LRMDA: variants seen among roughly 807,000 people sequenced by gnomAD.
LRMDA encodes leucine rich melanocyte differentiation associated.
Under a neutral mutation model 29.8 loss-of-function variants are expected in LRMDA, and 18 were observed. That is an observed-to-expected ratio of 0.60 (90% confidence interval 0.42 to 0.90). The LOEUF (loss-of-function observed/expected upper bound fraction) is 0.90, where lower values mean the gene tolerates loss of function less well. LRMDA is among the 40% of genes least tolerant of loss of function. The probability of loss-of-function intolerance (pLI) is 0.00; values close to 1 mark genes in which losing one functional copy is unlikely to be tolerated. For missense variants in LRMDA, 273 were observed against 273.9 expected (o/e 1.00, Z 0.02); for synonymous variants, 125 against 109.4 (o/e 1.14, Z -0.89).
At chr10:76,065,723 A>G (rs556751997) in intron 5 of LRMDA, among the ~76,000 whole-genome samples, 1 of 152,302 alleles carries the variant, frequency 6.6e-6, no homozygotes, top group Admixed American at 6.5e-5. Context: ...TTTGTCTAAA[A>G]CCATTCCTTT....
intron 6 of LRMDA, among the ~76,000 whole-genome samples, chr10:76,357,056 A>G (rs1057139773): frequency 1.2e-4 from 18 of 152,214 alleles, no homozygotes; most frequent in Admixed American, 1.2e-3. Context: ...TGGCAAGTGC[A>G]AAACAAAAAA....
At chr10:75,845,719 C>T (rs941083953) in intron 2 of LRMDA, among the ~76,000 whole-genome samples, 6 of 152,152 alleles carry the variant, frequency 3.9e-5, no homozygotes, top group African/African-American at 1.2e-4. Flanking sequence ...GGCACATCTA[C>T]ATGTTTTGTA....
At chr10:76,273,703 A>G (rs1348242289) in intron 5 of LRMDA, among the ~76,000 whole-genome samples, 1 of 152,144 alleles carries the variant, frequency 6.6e-6, no homozygotes, top group Non-Finnish European at 1.5e-5. Flanking sequence ...TTGAGGTGAC[A>G]TGTAGTTCCC....
intron 2 of LRMDA, among the ~76,000 whole-genome samples, chr10:75,956,185 A>G (rs1846660461): frequency 6.6e-6 from 1 of 152,172 alleles, no homozygotes; most frequent in Non-Finnish European, 1.5e-5. Flanking sequence ...AGGAACTCTC[A>G]CTTCCTTTTG....
At chr10:75,486,010 T>G (rs781516729) in intron 2 of LRMDA, among the ~76,000 whole-genome samples, 11 of 152,248 alleles carry the variant, frequency 7.2e-5, no homozygotes, top group South Asian at 2.1e-4. Flanking sequence ...CTTAGAACTG[T>G]GCGTATTTAA....
Position 76,348,064 on chromosome 10 carries a change from T to C in LRMDA, c.601+23579T>C, listed in dbSNP as rs1841130482. Among the ~76,000 whole-genome samples, 11 of 152,202 alleles carry C rather than the reference T, an allele frequency of 7.2e-5. No homozygotes were observed. In the South Asian group the frequency reaches 2.3e-3, roughly 32 times the overall value. Reference sequence around the variant, plus strand: ...TAGAGCAGGAGATTTTGATTTTAGATATGCTGAGCAGTGAAGATGCTCAGT... The same window carrying C: ...TAGAGCAGGAGATTTTGATTTTAGACATGCTGAGCAGTGAAGATGCTCAGT... On this transcript the variant is annotated intron_variant, in intron 6 of 6. Transcript: ENST00000611255.
intron 6 of LRMDA, among the ~76,000 whole-genome samples, chr10:76,343,790 T>C (rs533427563): frequency 1.6e-4 from 24 of 150,200 alleles, no homozygotes; most frequent in African/African-American, 5.8e-4. Flanking sequence ...AAGCCTATTA[T>C]AAAAGTTTCA....
intron 2 of LRMDA, among the ~76,000 whole-genome samples, chr10:75,959,018 C>A (rs537325161): frequency 6.6e-6 from 1 of 152,144 alleles, no homozygotes; most frequent in Non-Finnish European, 1.5e-5. Flanking sequence ...CCGGGTCTCT[C>A]CCACAACACA....
intron 2 of LRMDA, among the ~76,000 whole-genome samples, chr10:75,575,310 A>T (rs1840490345): frequency 6.6e-6 from 1 of 152,134 alleles, no homozygotes; most frequent in Non-Finnish European, 1.5e-5. Context: ...AAATACAATC[A>T]TGCCTTCCCA....
At chr10:76,126,957 A>C (rs943635148) in intron 5 of LRMDA, among the ~76,000 whole-genome samples, 1 of 152,222 alleles carries the variant, frequency 6.6e-6, no homozygotes, top group Non-Finnish European at 1.5e-5. Flanking sequence ...TACCTGGCTG[A>C]ATGTTTCCCT....
At chr10:76,416,457 A>G (rs1842015795) in intron 6 of LRMDA, among the ~76,000 whole-genome samples, 1 of 152,238 alleles carries the variant, frequency 6.6e-6, no homozygotes, top group Admixed American at 6.5e-5. Context: ...TTAGAATAAT[A>G]TATTACCTAC....
At chr10:75,716,705 C>T (rs886391068) in intron 2 of LRMDA, among the ~76,000 whole-genome samples, 10 of 152,182 alleles carry the variant, frequency 6.6e-5, no homozygotes, top group Admixed American at 5.9e-4. Flanking sequence ...CTCCCTGCCT[C>T]CTTCTCATGT....
intron 2 of LRMDA, among the ~76,000 whole-genome samples, chr10:75,697,723 G>A (rs1842253368): frequency 6.6e-6 from 1 of 152,080 alleles, no homozygotes; most frequent in Admixed American, 6.5e-5. Context: ...GGATACTCAT[G>A]ATCCATTAGA....
In LRMDA at chr10:76,324,476, A is replaced by G. The variant is rs763696041; in HGVS notation, c.592A>G (p.Ser198Gly). 76 of 1,613,816 alleles carry G rather than the reference A, an allele frequency of 4.7e-5. No homozygotes were observed. Among genetic ancestry groups the G allele is most frequent in the Middle Eastern group, 3.3e-4 (2 of 6,082 alleles). Reference protein sequence around the residue: ...PLPSASRELTSHQGVLGKCRY... With the variant: ...PLPSASRELTGHQGVLGKCRY... ...GCCTTCTGCTTCCAGGGAACTCACC[A>G]GTCACCAAGGTTGGAACTCAGCTTT... Residue 198 changes from serine to glycine, a missense_variant, in exon 6 of 7, where the codon AGT (serine) becomes GGT (glycine). Physicochemically the swap from Ser to Gly is moderately conservative, Grantham distance 56. Transcript: ENST00000611255.
At chr10:75,742,526 A>G (rs1842842335) in intron 2 of LRMDA, among the ~76,000 whole-genome samples, 1 of 152,218 alleles carries the variant, frequency 6.6e-6, no homozygotes, top group African/African-American at 2.4e-5. Context: ...TATGAAAAAT[A>G]CATGTGTGTT....
chr10:76,066,003 C>A (rs1370373363), intron 5 of LRMDA, among the ~76,000 whole-genome samples: 1 of 152,194 alleles, frequency 6.6e-6, no homozygotes, highest in Non-Finnish European at 1.5e-5. Flanking sequence ...AACCACAGAC[C>A]TCTACATGAG....
intron 5 of LRMDA, among the ~76,000 whole-genome samples, chr10:76,120,393 G>A (rs1849764190): frequency 6.6e-6 from 1 of 151,876 alleles, no homozygotes; most frequent in Admixed American, 6.6e-5. Flanking sequence ...TTGCCATGTT[G>A]GGCAGGCTGG....
intron 2 of LRMDA, among the ~76,000 whole-genome samples, chr10:75,664,941 T>C (rs1564534457): frequency 6.6e-6 from 1 of 152,060 alleles, no homozygotes; most frequent in African/African-American, 2.4e-5. Context: ...CCAGCACCTG[T>C]TGGGGATTTA....
intron 5 of LRMDA, among the ~76,000 whole-genome samples, chr10:76,141,254 T>A (rs1328326520): frequency 6.6e-6 from 1 of 152,042 alleles, no homozygotes; most frequent in Admixed American, 6.6e-5. Flanking sequence ...GTTATGGGGG[T>A]CCATTCCAAC....
Sources: gnomAD v4.1 joint callset for allele counts (sites outside exome capture counted in the v4.1 genomes callset) on GRCh38, gnomAD v4.1.1 for gene constraint, MANE v1.5 for transcripts, NCBI Gene and HGNC (gene_info 2026-07-23, HGNC 2026-07-21) for gene names.